ANXA11: variants seen among roughly 807,000 people sequenced by gnomAD.
ANXA11 encodes the protein 56 kDa autoantigen.
ANXA11 carries 57 observed loss-of-function variants against 64.7 expected under a neutral mutation model. That is an observed-to-expected ratio of 0.88 (90% CI 0.71 to 1.10). ANXA11 has a LOEUF of 1.10. Among genes scored for constraint, ANXA11 ranks in the 50% least tolerant of loss-of-function variants. The pLI is 0.00. For missense variants in ANXA11, 675 were observed against 670.7 expected (o/e 1.01, Z -0.07); for synonymous variants, 260 against 265.2 (o/e 0.98, Z 0.19).
In ANXA11 at chr10:80,163,424, A is replaced by C; in HGVS notation, c.1030-19T>G. ...GGTTTCCCTGAAAGGAAGCAGGTGT[A>C]TGGTCATGCCCACTCCTTCCCCATT... is the stretch of plus-strand genomic sequence containing the variant. On this transcript the variant is annotated intron_variant, in intron 10 of 15. Coordinates refer to ENST00000422982, the MANE Select transcript of ANXA11 (RefSeq NM_145868.2). 1 of 1,614,078 alleles carries C rather than the reference A, an allele frequency of 6.2e-7. No individual in the cohort carries two copies. Among genetic ancestry groups the C allele is most frequent in the Non-Finnish European group, 8.5e-7 (1 of 1,180,030 alleles).
intron 1 of ANXA11, among the ~76,000 whole-genome samples, chr10:80,198,958 T>C (rs1313790300): frequency 1.3e-5 from 2 of 152,192 alleles, no homozygotes; most frequent in Non-Finnish European, 2.9e-5. Context: ...TCAGAATTCC[T>C]CTACCAAAGA....
rs377686880 is a variant in ANXA11, at chr10:80,158,053, G to A, written c.1277-28C>T. ...AGAAGAGAGAAACTCGGCATAACCA[G>A]ATCTGCAGAAAATTCTCAGCCCAAG... On this transcript the variant is annotated intron_variant, in intron 13 of 15. Coordinates refer to ENST00000422982, the MANE Select transcript of ANXA11 (RefSeq NM_145868.2). 10 of 1,611,036 alleles carry A rather than the reference G, an allele frequency of 6.2e-6. No individual in the cohort carries two copies. The African/African-American group carries it at 1.2e-4, about 19-fold the overall frequency.
At chr10:80,164,647 A>G (rs35074774) in intron 8 of ANXA11, among the ~76,000 whole-genome samples, 6,284 of 152,322 alleles carry the variant, frequency 0.041, 171 homozygotes, top group Non-Finnish European at 0.065. Context: ...CGCCAGGGAC[A>G]GTAAGACCAT....
At chr10:80,166,601 A>G (rs1202423592) in intron 7 of ANXA11, 3 of 492,894 alleles carry the variant, frequency 6.1e-6, no homozygotes, top group Non-Finnish European at 1.1e-5. Context: ...GTGGTCATGA[A>G]GAGGGCAGGG....
intron 3 of ANXA11, chr10:80,171,341 G>T: frequency 1.3e-6 from 1 of 799,760 alleles, no homozygotes; most frequent in African/African-American, 1.9e-5. Context: ...TGGCGGGAGG[G>T]GGTTTGGCTG....
intron 1 of ANXA11, among the ~76,000 whole-genome samples, chr10:80,203,482 A>G (rs1840533085): frequency 6.6e-6 from 1 of 152,144 alleles, no homozygotes; most frequent in Admixed American, 6.5e-5. Flanking sequence ...CCTATATTTT[A>G]ACCACAGGGA....
chr10:80,159,295 T>C lies in ANXA11; in HGVS notation c.1181-100A>G, dbSNP rs1199224388. The C allele has an allele frequency of 3.2e-6, 3 of 937,666 alleles. No homozygotes were observed. In the African/African-American group the frequency reaches 4.9e-5, roughly 15 times the overall value. 58.1% of individuals were successfully genotyped at this position (937,666 alleles called of 1,614,324 possible). A position where few individuals can be genotyped will look rare whatever the true frequency, so the allele number is the denominator to read the frequency against. On this transcript the variant is annotated intron_variant, in intron 12 of 15. Coordinates refer to ENST00000422982, the MANE Select transcript of ANXA11 (RefSeq NM_145868.2). ...CCCAGGACTTCAGAATATAACCGTGTTTGGAGATAAGATCTTTAAAGAGGT... is the reference window on the plus strand; with the variant it reads ...CCCAGGACTTCAGAATATAACCGTGCTTGGAGATAAGATCTTTAAAGAGGT...
At chr10:80,162,508 T>C (rs776140546) in intron 11 of ANXA11, among the ~76,000 whole-genome samples, 92 of 152,242 alleles carry the variant, frequency 6.0e-4, no homozygotes, top group Non-Finnish European at 1.1e-3. Context: ...GCCAGGAGTA[T>C]AGGCCCTTGT....
intron 13 of ANXA11, 81 bp downstream of exon 13, chr10:80,159,019 G>C: frequency 1.9e-6 from 2 of 1,044,452 alleles, no homozygotes; most frequent in Middle Eastern, 2.9e-4. Flanking sequence ...TCACCCATCA[G>C]CTGGAGGACA....
In ANXA11 at chr10:80,154,587, C is replaced by G. The variant is rs2132349520; in HGVS notation, c.*1266G>C. 1 of 152,356 alleles carries G rather than the reference C, an allele frequency of 6.6e-6. No individual in the cohort carries two copies. Among genetic ancestry groups the G allele is most frequent in the African/African-American group, 2.4e-5 (1 of 41,584 alleles). 9.4% of individuals were successfully genotyped at this position (152,356 alleles called of 1,614,324 possible). A position where few individuals can be genotyped will look rare whatever the true frequency, so the allele number is the denominator to read the frequency against. On this transcript the variant is annotated 3_prime_UTR_variant, in exon 16 of 16. Coordinates refer to ENST00000422982, the MANE Select transcript of ANXA11 (RefSeq NM_145868.2). Reference sequence around the variant, plus strand: ...GTTGGAAAAGGAGTGGGTGGAGACCCCTGATGCAAGGTAAGCTCTAGCTTC... The same window carrying G: ...GTTGGAAAAGGAGTGGGTGGAGACCGCTGATGCAAGGTAAGCTCTAGCTTC...
At position 80,162,046 on chromosome 10, in the gene ANXA11, C is replaced by A. The variant is rs45557433; in HGVS notation, c.1087-18G>T. 1 of 1,602,510 alleles carries A rather than the reference C, an allele frequency of 6.2e-7. No individual in the cohort carries two copies. Among genetic ancestry groups the A allele is most frequent in the South Asian group, 1.1e-5 (1 of 90,784 alleles). Reference sequence around the variant, plus strand: ...TACAGCTCCTGGAGAGAGAGGAAGACGCACATGTGGCACAGGCCACACCCA... The same window carrying A: ...TACAGCTCCTGGAGAGAGAGGAAGAAGCACATGTGGCACAGGCCACACCCA... On this transcript the variant is annotated intron_variant, in intron 11 of 15. Coordinates refer to ENST00000422982, the MANE Select transcript of ANXA11 (RefSeq NM_145868.2).
intron 1 of ANXA11, among the ~76,000 whole-genome samples, chr10:80,193,392 G>A (rs1846851821): frequency 6.6e-6 from 1 of 151,890 alleles, no homozygotes; most frequent in Non-Finnish European, 1.5e-5. Flanking sequence ...ATGTGTCAGG[G>A]GACTGCTGGC....
chr10:80,158,959 C>CTGGA, intron 13 of ANXA11, 141 bp downstream of exon 13: 1 of 655,340 alleles, frequency 1.5e-6, no homozygotes, highest in Non-Finnish European at 2.7e-6. Flanking sequence ...TTCCCAGCAT[C>CTGGA]TGGACACTCT....
At chr10:80,164,472 T>A (rs1164691851) in intron 8 of ANXA11, among the ~76,000 whole-genome samples, 4 of 152,164 alleles carry the variant, frequency 2.6e-5, no homozygotes, top group Non-Finnish European at 2.9e-5. Context: ...GAGGCCTGCT[T>A]TATTCAGAGT....
intron 1 of ANXA11, among the ~76,000 whole-genome samples, chr10:80,201,311 G>A (rs971965157): frequency 3.3e-5 from 5 of 152,052 alleles, no homozygotes; most frequent in Admixed American, 1.3e-4. Context: ...CTCTCAGGTC[G>A]CTCTTTTTCT....
intron 1 of ANXA11, among the ~76,000 whole-genome samples, chr10:80,199,254 C>T (rs149523836): frequency 0.011 from 1,674 of 152,082 alleles, 12 homozygotes; most frequent in Non-Finnish European, 0.016. Context: ...CCCGCTACCA[C>T]GCCTGGATAA....
chr10:80,185,546 G>A (rs1313531929), intron 1 of ANXA11, among the ~76,000 whole-genome samples: 1 of 152,194 alleles, frequency 6.6e-6, no homozygotes, highest in East Asian at 1.9e-4. Flanking sequence ...TGTAACAAAA[G>A]TGCCTGCTTA....
At position 80,167,282 on chromosome 10, in the gene ANXA11, G is replaced by A. The variant is rs1589425333; in HGVS notation, c.593C>T (p.Pro198Leu). ...GGCATCTCGCAGGGGGTCAAAGCCG[G>A]GAGCATCAGTGATGGTGCCTCGGCT... is the stretch of plus-strand genomic sequence containing the variant. Reference protein sequence around the residue: ...FGSRGTITDAPGFDPLRDAEV... With the variant: ...FGSRGTITDALGFDPLRDAEV... The change falls in exon 6 of 16, where the codon CCC becomes CTC. Residue 198 changes from proline (P) to leucine (L), a missense_variant. Pro to Leu is a moderately conservative substitution (Grantham distance 98). Coordinates refer to ENST00000422982, the MANE Select transcript of ANXA11 (RefSeq NM_145868.2). The A allele has an allele frequency of 6.2e-7, 1 of 1,614,144 alleles. No individual in the cohort carries two copies. Among genetic ancestry groups the A allele is most frequent in the Non-Finnish European group, 8.5e-7 (1 of 1,180,008 alleles).
chr10:80,205,036 C>A (rs1457075534), intron 1 of ANXA11: 1 of 152,286 alleles, frequency 6.6e-6, no homozygotes, highest in Non-Finnish European at 1.5e-5. Context: ...CGGCCCCTGG[C>A]CCTACCCAGG....
Sources: allele counts gnomAD v4.1 joint callset (sites outside exome capture counted in the v4.1 genomes callset), GRCh38; gene constraint gnomAD v4.1.1; transcripts MANE v1.5; gene names NCBI Gene and HGNC (gene_info 2026-07-23, HGNC 2026-07-21).